Variants in CD109 observed in about 807,000 individuals in gnomAD.
CD109 encodes CD109 antigen.
Under a neutral mutation model 165.8 loss-of-function variants are expected in CD109, and 149 were observed. The observed-to-expected ratio is 0.90, with a 90% CI of 0.79 to 1.03. CD109 has a LOEUF of 1.03. Among genes scored for constraint, CD109 ranks in the 50% least tolerant of loss-of-function variants. The pLI is 0.00. For missense variants in CD109, 1,712 were observed against 1,677.8 expected (o/e 1.02, Z -0.36); for synonymous variants, 585 against 592.1 (o/e 0.99, Z 0.18).
At chr6:73,744,023 A>C (rs1772886390) in intron 5 of CD109, among the ~76,000 whole-genome samples, 1 of 152,166 alleles carries the variant, frequency 6.6e-6, no homozygotes, top group South Asian at 2.1e-4. Flanking sequence ...GTGTAGCGTT[A>C]TTTTCGTTTT....
At chr6:73,773,793 T>C (rs1294943061) in intron 15 of CD109, among the ~76,000 whole-genome samples, 1 of 152,184 alleles carries the variant, frequency 6.6e-6, no homozygotes, top group Admixed American at 6.5e-5. Flanking sequence ...TCTTTCATTT[T>C]TTAATTGTGG....
intron 24 of CD109, among the ~76,000 whole-genome samples, chr6:73,805,532 T>G (rs564949352): frequency 2.0e-5 from 3 of 152,146 alleles, no homozygotes; most frequent in Admixed American, 2.0e-4. Context: ...CAAAGAGGTG[T>G]TCCTTCTGCT....
At chr6:73,823,300 C>G (rs184392779) in intron 32 of CD109, among the ~76,000 whole-genome samples, 158 bp from the exon 33 acceptor site, 1 of 152,196 alleles carries the variant, frequency 6.6e-6, no homozygotes, top group East Asian at 1.9e-4. Flanking sequence ...GTACTTTGGA[C>G]CACTCTTGGA....
intron 31 of CD109, among the ~76,000 whole-genome samples, chr6:73,818,743 C>A (rs1776020875): frequency 6.6e-6 from 1 of 152,066 alleles, no homozygotes; most frequent in African/African-American, 2.4e-5. Context: ...TAATGACGAG[C>A]CTGATGAAGG....
At chr6:73,803,040 G>A (rs1775425804) in intron 23 of CD109, among the ~76,000 whole-genome samples, 180 bp from the exon 24 acceptor site, 2 of 152,046 alleles carry the variant, frequency 1.3e-5, no homozygotes, top group African/African-American at 4.8e-5. Flanking sequence ...TGCTTGAAAA[G>A]TCCTGGCATT....
Position 73,826,886 on chromosome 6 carries a change from G to T in CD109, c.*3253G>T, listed in dbSNP as rs1776293792. 2 of 146,578 alleles carry T rather than the reference G, an allele frequency of 1.4e-5. No individual in the cohort carries two copies. The highest frequency in any genetic ancestry group is 6.8e-5 in the Admixed American group (1 of 14,770). The allele number at this position is 146,578 out of a possible 1,614,324, so 9.1% of individuals were successfully genotyped here. On this transcript the variant is annotated 3_prime_UTR_variant, in exon 33 of 33. Coordinates refer to ENST00000287097, the MANE Select transcript of CD109 (RefSeq NM_133493.5). ...TTTTTTTTAGAAAAAGACATATTTA[G>T]CTTTAATTTCTATTTATGCTAAACA...
intron 5 of CD109, among the ~76,000 whole-genome samples, chr6:73,739,342 T>C (rs1772668474): frequency 6.6e-6 from 1 of 152,234 alleles, no homozygotes; most frequent in Non-Finnish European, 1.5e-5. Flanking sequence ...ACTGTGGCCT[T>C]GGTCTCTGGC....
chr6:73,803,155 A>G, intron 23 of CD109, 65 bp from the exon 24 acceptor site: 1 of 1,101,998 alleles, frequency 9.1e-7, no homozygotes, highest in Non-Finnish European at 1.4e-6. Context: ...TGAAGTCATA[A>G]TTAGAAACTT....
At chr6:73,767,990 T>C (rs1773910015) in intron 13 of CD109, 65 bp from the exon 14 acceptor site, 1 of 1,305,286 alleles carries the variant, frequency 7.7e-7, no homozygotes, top group Non-Finnish European at 1.1e-6. Flanking sequence ...TTATGATTAA[T>C]GTAGCTTCAG....
chr6:73,808,550 T>C (rs1388972716), intron 26 of CD109, among the ~76,000 whole-genome samples: 1 of 152,110 alleles, frequency 6.6e-6, no homozygotes, highest in Non-Finnish European at 1.5e-5. Flanking sequence ...GCTAAGACCT[T>C]GGGTTCTGGA....
intron 2 of CD109, among the ~76,000 whole-genome samples, chr6:73,699,414 C>T (rs1257390855): frequency 6.6e-6 from 1 of 151,956 alleles, no homozygotes; most frequent in East Asian, 1.9e-4. Flanking sequence ...TGGCAGTTTT[C>T]CTGCAATGCA....
intron 2 of CD109, among the ~76,000 whole-genome samples, chr6:73,698,309 T>A (rs981928727): frequency 2.0e-5 from 3 of 152,180 alleles, no homozygotes; most frequent in Non-Finnish European, 4.4e-5. Flanking sequence ...AAAACATTTT[T>A]CATTAAAATG....
intron 5 of CD109, among the ~76,000 whole-genome samples, chr6:73,755,545 C>T (rs147631635): frequency 1.2e-3 from 185 of 152,178 alleles, no homozygotes; most frequent in African/African-American, 4.1e-3. Flanking sequence ...GCTGCATCTC[C>T]GTGTTTGATT....
rs144709719 is a variant in CD109 at position 73,729,491 on chromosome 6, GTTATTATTATTA to G, written c.277-820_277-809del. Among the ~76,000 whole-genome samples, 710 of 142,044 alleles carry G rather than the reference GTTATTATTATTA, an allele frequency of 5.0e-3. 4 individuals are homozygous for G. The highest frequency in any genetic ancestry group is 9.0e-3 in the African/African-American group (346 of 38,368). 93.2% of individuals were successfully genotyped at this position (142,044 alleles called of 152,430 possible). ...AATGCTAGAAGGTAGGACTTCTATT[GTTATTATTATTA>G]TTATTATTATTATTATTATTATTAT... On this transcript the variant is annotated intron_variant, in intron 3 of 32. Transcript: ENST00000287097.
At chr6:73,757,458 A>G (rs777030007) in intron 6 of CD109, among the ~76,000 whole-genome samples, 2 of 152,198 alleles carry the variant, frequency 1.3e-5, no homozygotes, top group African/African-American at 2.4e-5. Flanking sequence ...ATTTCATATA[A>G]TTTTCATATG....
At chr6:73,689,578 T>G in the CD109 span, among the ~76,000 whole-genome samples, 2 of 152,196 alleles carry the variant, frequency 1.3e-5, no homozygotes, top group Non-Finnish European at 2.9e-5. Flanking sequence ...CTTTATAGTC[T>G]TAATATGCTT....
the CD109 span, among the ~76,000 whole-genome samples, chr6:73,683,139 G>A: frequency 1.3e-5 from 2 of 152,218 alleles, no homozygotes; most frequent in Non-Finnish European, 2.9e-5. Context: ...CTCAGAAAAT[G>A]GGATTTGCTT....
At position 73,766,925 on chromosome 6, in the gene CD109, TATTA is replaced by T. The variant is rs758423253; in HGVS notation, c.1435-17_1435-14del. The stretch of plus-strand genomic sequence containing the variant: ...GACTATCTTGCTTTTGATATGTACA[TATTA>T]ATTAAGGTTTTTTTCTAGGTGGGAT... On this transcript the variant is annotated intron_variant, in intron 12 of 32. Coordinates refer to ENST00000287097, the MANE Select transcript of CD109 (RefSeq NM_133493.5). The T allele has an allele frequency of 4.3e-6, 7 of 1,612,386 alleles. 1 individual carries two copies. The Admixed American group carries it at 5.0e-5, about 12-fold the overall frequency.
At position 73,739,895 on chromosome 6, in the gene CD109, G is replaced by T. The variant is rs568071811; in HGVS notation, c.633+3387G>T. Among the ~76,000 whole-genome samples, 114 of 152,236 alleles carry T rather than the reference G, an allele frequency of 7.5e-4. 1 individual carries two copies. The highest frequency in any genetic ancestry group is 6.4e-3 in the Admixed American group (98 of 15,294). ...AATTTTTTAATTTGTAAGAGACAGGGTTGTCGTCTGTCACTCAGGCTAGAG... is the reference window on the plus strand; with the variant it reads ...AATTTTTTAATTTGTAAGAGACAGGTTTGTCGTCTGTCACTCAGGCTAGAG... On this transcript the variant is annotated intron_variant, in intron 5 of 32. Transcript: ENST00000287097.
Sources: gnomAD v4.1 joint callset for allele counts (sites outside exome capture counted in the v4.1 genomes callset) on GRCh38, gnomAD v4.1.1 for gene constraint, MANE v1.5 for transcripts, NCBI Gene and HGNC (gene_info 2026-07-23, HGNC 2026-07-21) for gene names.